Variants in PLXDC2 observed in about 807,000 individuals in gnomAD.
PLXDC2 encodes the protein plexin domain containing 2.
PLXDC2 carries 40 observed loss-of-function variants against 68.9 expected under a neutral mutation model. That is an observed-to-expected ratio of 0.58 (90% CI 0.45 to 0.76). The LOEUF is 0.76. Ranked by LOEUF, PLXDC2 falls within the 30% of genes least tolerant of loss-of-function variation. The probability of loss-of-function intolerance (pLI) is 0.00; values close to 1 mark genes in which losing one functional copy is unlikely to be tolerated. For synonymous variants in PLXDC2, 243 were observed against 234.2 expected, an observed-to-expected ratio of 1.04 and a Z score of -0.34; for missense variants, 644 against 661.9, an observed-to-expected ratio of 0.97 and a Z score of 0.30.
intron 1 of PLXDC2, among the ~76,000 whole-genome samples, chr10:19,821,165 T>C (rs1669155722): frequency 6.6e-6 from 1 of 152,184 alleles, no homozygotes; most frequent in Non-Finnish European, 1.5e-5. Flanking sequence ...ATACAGTCTC[T>C]TCTCCATGGT....
intron 13 of PLXDC2, among the ~76,000 whole-genome samples, chr10:20,261,439 C>T (rs1397599773): frequency 6.6e-6 from 1 of 152,108 alleles, no homozygotes; most frequent in African/African-American, 2.4e-5. Flanking sequence ...ACAGAAAACT[C>T]ATAAAGATAC....
At chr10:19,948,792 C>T (rs1212088063) in intron 1 of PLXDC2, among the ~76,000 whole-genome samples, 1 of 151,862 alleles carries the variant, frequency 6.6e-6, no homozygotes, top group East Asian at 1.9e-4. Flanking sequence ...CTCTGCTGCC[C>T]ATATTATGTT....
At chr10:20,105,684 C>T (rs766768189) in intron 4 of PLXDC2, among the ~76,000 whole-genome samples, 19 of 152,114 alleles carry the variant, frequency 1.2e-4, no homozygotes, top group Non-Finnish European at 1.0e-4. Flanking sequence ...TGCAGCAACC[C>T]GGAGCAAGTT....
intron 13 of PLXDC2, among the ~76,000 whole-genome samples, chr10:20,246,858 A>G (rs901169541): frequency 7.2e-5 from 11 of 152,180 alleles, no homozygotes; most frequent in Non-Finnish European, 1.3e-4. Context: ...TTTTTTAATG[A>G]CTTTTAAACT....
chr10:20,028,284 C>G (rs1835436252), intron 2 of PLXDC2, among the ~76,000 whole-genome samples: 1 of 152,120 alleles, frequency 6.6e-6, no homozygotes, highest in Admixed American at 6.5e-5. Context: ...CCAGGTGATT[C>G]TAATACACAG....
intron 1 of PLXDC2, among the ~76,000 whole-genome samples, chr10:19,915,428 T>C (rs1833348167): frequency 6.6e-6 from 1 of 152,208 alleles, no homozygotes; most frequent in South Asian, 2.1e-4. Context: ...TCTCACATTG[T>C]CCTAAATGTC....
At chr10:20,163,570 C>T (rs1589660605) in intron 6 of PLXDC2, among the ~76,000 whole-genome samples, 1 of 152,024 alleles carries the variant, frequency 6.6e-6, no homozygotes, top group African/African-American at 2.4e-5. Flanking sequence ...GCTTATTCTG[C>T]CTAAAGACGT....
intron 1 of PLXDC2, among the ~76,000 whole-genome samples, chr10:19,937,053 CT>C (rs1833736824): frequency 6.6e-6 from 1 of 152,152 alleles, no homozygotes; most frequent in African/African-American, 2.4e-5. Flanking sequence ...GTGTTCCTTG[CT>C]CTCCAATGAC....
At chr10:19,910,290 G>A (rs562638249) in intron 1 of PLXDC2, among the ~76,000 whole-genome samples, 9 of 151,908 alleles carry the variant, frequency 5.9e-5, no homozygotes, top group South Asian at 2.1e-4. Flanking sequence ...GCTGCTGTAC[G>A]ATAATAATGA....
rs541120782 is a variant in PLXDC2 at position 20,064,436 on chromosome 10, G to A, written c.472-3734G>A. Among the ~76,000 whole-genome samples the A allele has an allele frequency of 2.6e-5, 4 of 152,012 alleles. No individual in the cohort carries two copies. The South Asian group carries it at 8.3e-4, about 32-fold the overall frequency. On this transcript the variant is annotated intron_variant, in intron 3 of 13. Coordinates refer to ENST00000377252, the MANE Select transcript of PLXDC2 (RefSeq NM_032812.9). ...GGGGTTTCACCGTGTTAGCCAGGAT[G>A]GTCTCGATCTCCTGACCTTGCGATC... is the stretch of plus-strand genomic sequence containing the variant.
chr10:20,231,890 G>A lies in PLXDC2; in HGVS notation c.1312+12788G>A, dbSNP rs565870547. ...AAATTAACCAGACATAATGGCATACGCCTGTAGTCCCAGCTATGTGGGAGG... is the reference window on the plus strand; with the variant it reads ...AAATTAACCAGACATAATGGCATACACCTGTAGTCCCAGCTATGTGGGAGG... On this transcript the variant is annotated intron_variant, in intron 12 of 13. Transcript: ENST00000377252. 4.6e-5 allele frequency among the ~76,000 whole-genome samples: 7 copies of A among 151,888 alleles called. 1 individual carries two copies. The highest frequency in any genetic ancestry group is 1.7e-4 in the African/African-American group (7 of 41,412).
intron 1 of PLXDC2, among the ~76,000 whole-genome samples, chr10:19,925,094 G>C (rs1342136250): frequency 6.6e-6 from 1 of 152,202 alleles, no homozygotes; most frequent in Non-Finnish European, 1.5e-5. Flanking sequence ...AGACAGCACA[G>C]TTAACCCACT....
At chr10:19,879,487 G>A (rs982210089) in intron 1 of PLXDC2, among the ~76,000 whole-genome samples, 9 of 151,982 alleles carry the variant, frequency 5.9e-5, no homozygotes, top group Admixed American at 2.0e-4. Context: ...AATTTTAAAC[G>A]CTCATTGTGT....
chr10:19,977,446 GC>G, intron 1 of PLXDC2, among the ~76,000 whole-genome samples: 1 of 152,176 alleles, frequency 6.6e-6, no homozygotes, highest in Non-Finnish European at 1.5e-5. Context: ...ATTCTAGGAG[GC>G]CACTGGGGGA....
At chr10:20,237,001 T>G (rs955504024) in intron 12 of PLXDC2, among the ~76,000 whole-genome samples, 5 of 140,094 alleles carry the variant, frequency 3.6e-5, no homozygotes, top group African/African-American at 1.3e-4. Flanking sequence ...TGAGTTGTTG[T>G]TTTTTTTTTT....
In PLXDC2 at chr10:20,072,413, GGAA is replaced by G. The variant is rs1267098366; in HGVS notation, c.541+4175_541+4177del. Among the ~76,000 whole-genome samples the G allele has an allele frequency of 6.4e-4, 48 of 75,226 alleles. 1 individual carries two copies. Among genetic ancestry groups the G allele is most frequent in the East Asian group, 2.0e-3 (3 of 1,520 alleles). The allele number at this position is 75,226 out of a possible 152,430, so 49.4% of individuals were successfully genotyped here. A position where few individuals can be genotyped will look rare whatever the true frequency, so the allele number is the denominator to read the frequency against. ...AGAGGAAAGAAAGAAGAAAGAAAGA[GGAA>G]AGAAAGAGAGAAAGAAAGAAGAAAG... On this transcript the variant is annotated intron_variant, in intron 4 of 13. Transcript: ENST00000377252.
intron 9 of PLXDC2, among the ~76,000 whole-genome samples, chr10:20,194,093 A>G (rs540135889): frequency 2.5e-4 from 38 of 152,118 alleles, no homozygotes; most frequent in African/African-American, 8.7e-4. Context: ...TTAAAAGAAA[A>G]CAAAGCTTTC....
rs1485107010 is a variant in PLXDC2, at chr10:20,161,105, A to G, written c.784-3363A>G. Among the ~76,000 whole-genome samples the G allele has an allele frequency of 5.9e-5, 9 of 152,278 alleles. No homozygotes were observed. In the South Asian group the frequency reaches 8.3e-4, roughly 14 times the overall value. On this transcript the variant is annotated intron_variant, in intron 6 of 13. Transcript: ENST00000377252. Reference sequence around the variant, plus strand: ...CTATTTGACTTTTAACAGAGAATGTATTGATTGATATTGCTGTGTAATAAA... The same window carrying G: ...CTATTTGACTTTTAACAGAGAATGTGTTGATTGATATTGCTGTGTAATAAA...
chr10:20,013,678 A>T (rs539995621), intron 2 of PLXDC2, among the ~76,000 whole-genome samples: 3 of 152,232 alleles, frequency 2.0e-5, no homozygotes, highest in Non-Finnish European at 4.4e-5. Context: ...TATCTCACCA[A>T]ACCTTCCCAA....
Sources: gnomAD v4.1 joint callset for allele counts (sites outside exome capture counted in the v4.1 genomes callset) on GRCh38, gnomAD v4.1.1 for gene constraint, MANE v1.5 for transcripts, NCBI Gene and HGNC (gene_info 2026-07-23, HGNC 2026-07-21) for gene names.